The following PIAS4 variants were observed in gnomAD, a reference collection of about 807,000 sequenced individuals.
The protein encoded by PIAS4 is protein inhibitor of activated STAT 4.
Under a neutral mutation model 58.0 loss-of-function variants are expected in PIAS4, and 7 were observed. The ratio of observed to expected loss-of-function variants is 0.12; its 90% CI spans 0.07 to 0.23. The LOEUF is 0.23. Ranked by LOEUF, PIAS4 falls within the 10% of genes least tolerant of loss-of-function variation. The pLI is 1.00. For synonymous variants in PIAS4, 364 were observed against 312.4 expected, an observed-to-expected ratio of 1.17 and a Z score of -1.74; for missense variants, 550 against 709.5, an observed-to-expected ratio of 0.78 and a Z score of 2.55.
At chr19:4,015,288 G>A (rs543145830) in intron 2 of PIAS4, among the ~76,000 whole-genome samples, 13 of 152,290 alleles carry the variant, frequency 8.5e-5, no homozygotes, top group East Asian at 1.9e-4. Flanking sequence ...GGTCCAGGGC[G>A]GGGGACGGGG....
chr19:4,010,471 C>T (rs1421739787), intron 1 of PIAS4, among the ~76,000 whole-genome samples: 3 of 152,266 alleles, frequency 2.0e-5, no homozygotes, highest in Non-Finnish European at 4.4e-5. Flanking sequence ...AACATCTTGT[C>T]TGCAAGCCTT....
At chr19:4,028,080 G>A (rs1212781976) in intron 3 of PIAS4, 66 bp from the exon 4 acceptor site, 2 of 1,499,124 alleles carry the variant, frequency 1.3e-6, no homozygotes, top group Non-Finnish European at 1.9e-6. Flanking sequence ...TTGTCGGGTG[G>A]GCTGGGGTCA....
At chr19:4,030,253 T>G (rs960859399) in intron 7 of PIAS4, among the ~76,000 whole-genome samples, 2 of 144,332 alleles carry the variant, frequency 1.4e-5, no homozygotes, top group African/African-American at 4.9e-5. Context: ...TTGGCCACTT[T>G]CGCACCTGGT....
At position 4,037,943 on chromosome 19, in the gene PIAS4, G is replaced by A. The variant is rs1389964859; in HGVS notation, c.*68G>A. On this transcript the variant is annotated 3_prime_UTR_variant, in exon 11 of 11. Coordinates refer to ENST00000262971, the MANE Select transcript of PIAS4 (RefSeq NM_015897.4). This position sits in a 1 kb window ranked among gnomAD's most constrained non-coding sequence, Gnocchi z 5.8. ...GGGGCACGGGCCAGCCTCGGGCGCAGAGGGAGGAGTGACCTTTCTTTTTCT... is the reference window on the plus strand; with the variant it reads ...GGGGCACGGGCCAGCCTCGGGCGCAAAGGGAGGAGTGACCTTTCTTTTTCT... The A allele has an allele frequency of 1.4e-6, 2 of 1,460,728 alleles. No homozygotes were observed. The highest frequency in any genetic ancestry group is 2.4e-5 in the East Asian group (1 of 41,484). 90.5% of individuals were successfully genotyped at this position (1,460,728 alleles called of 1,614,324 possible).
At chr19:4,025,103 T>C (rs2040149595) in intron 3 of PIAS4, among the ~76,000 whole-genome samples, 1 of 152,154 alleles carries the variant, frequency 6.6e-6, no homozygotes, top group African/African-American at 2.4e-5. Context: ...GAATACGGGG[T>C]TTCCCCCTCC....
chr19:4,031,277 C>G (rs534061869), intron 7 of PIAS4, among the ~76,000 whole-genome samples: 104 of 152,310 alleles, frequency 6.8e-4, no homozygotes, highest in African/African-American at 2.4e-3. Flanking sequence ...CGTGTTGAAG[C>G]CTCCTGTGCA....
At position 4,013,946 on chromosome 19, in the gene PIAS4, G is replaced by A. The variant is rs546574555; in HGVS notation, c.454+597G>A. 1.9e-4 allele frequency among the ~76,000 whole-genome samples: 29 copies of A among 152,120 alleles called. No homozygotes were observed. The highest frequency in any genetic ancestry group is 3.7e-4 in the Non-Finnish European group (25 of 68,014). On this transcript the variant is annotated intron_variant, in intron 2 of 10. Coordinates refer to ENST00000262971, the MANE Select transcript of PIAS4 (RefSeq NM_015897.4). The surrounding 1 kb of genome is among the most constrained non-coding windows in gnomAD (Gnocchi z 5.1). ...CCGTTGCTCACACAGACTCTGTGGC[G>A]CATGCAGGGACCACACCAGGCTGTG...
chr19:4,015,944 C>T (rs1031182825), intron 2 of PIAS4, among the ~76,000 whole-genome samples: 2 of 152,200 alleles, frequency 1.3e-5, no homozygotes, highest in East Asian at 1.9e-4. Context: ...GGGCCTCAGG[C>T]TGTAGGTGAT....
Position 4,037,924 on chromosome 19 carries a change from C to T in PIAS4, c.*49C>T, listed in dbSNP as rs113197231. 32 of 1,542,500 alleles carry T rather than the reference C, an allele frequency of 2.1e-5. No individual in the cohort carries two copies. Among genetic ancestry groups the T allele is most frequent in the African/African-American group, 1.2e-4 (9 of 73,202 alleles). ...CTGGTGCTCACCACGCAGAGGGGCA[C>T]GGGCCAGCCTCGGGCGCAGAGGGAG... On this transcript the variant is annotated 3_prime_UTR_variant, in exon 11 of 11. Transcript: ENST00000262971. The surrounding 1 kb of genome is among the most constrained non-coding windows in gnomAD (Gnocchi z 5.8).
At chr19:4,028,869 C>G in intron 6 of PIAS4, 21 bp downstream of exon 6, 4 of 1,613,054 alleles carry the variant, frequency 2.5e-6, no homozygotes, top group Admixed American at 3.3e-5. Context: ...GCCCGGGTGC[C>G]CACCCTGCCC....
chr19:4,013,232 G>A lies in PIAS4; in HGVS notation c.337G>A (p.Gly113Arg). ...GPNIDYPVLY[G>R]KYLNGLGRLP... Reference sequence around the variant, plus strand: ...CAATATTGACTACCCCGTGCTCTACGGAAAGTACTTAAACGGACTGGGACG... The same window carrying A: ...CAATATTGACTACCCCGTGCTCTACAGAAAGTACTTAAACGGACTGGGACG... Residue 113 changes from glycine (G) to arginine (R), a missense_variant, in exon 2 of 11, where the codon GGA becomes AGA. By Grantham distance (125) the Gly-to-Arg change is moderately radical. Around this residue, in one of 4 missense-constraint regions of PIAS4, gnomAD observed 95 missense variants for 87.5 expected, o/e 1.09. Coordinates refer to ENST00000262971, the MANE Select transcript of PIAS4 (RefSeq NM_015897.4). This position sits in a 1 kb window ranked among gnomAD's most constrained non-coding sequence, Gnocchi z 5.1. 2 of 1,613,482 alleles carry A rather than the reference G, an allele frequency of 1.2e-6. No homozygotes were observed. Among genetic ancestry groups the A allele is most frequent in the Non-Finnish European group, 1.7e-6 (2 of 1,179,998 alleles).
chr19:4,026,352 C>T (rs1201440974), intron 3 of PIAS4, among the ~76,000 whole-genome samples: 1 of 150,194 alleles, frequency 6.7e-6, no homozygotes, highest in Non-Finnish European at 1.5e-5. Context: ...AAGATGATCT[C>T]AATCTCTTGA....
chr19:4,011,102 T>A (rs1191902553), intron 1 of PIAS4, among the ~76,000 whole-genome samples: 6 of 152,246 alleles, frequency 3.9e-5, no homozygotes, highest in African/African-American at 1.2e-4. Context: ...CAGCGCCTCC[T>A]GGCACGGAGG....
rs2040304654 is a variant in PIAS4, at chr19:4,037,011, C to G, written c.1143-363C>G. Reference sequence around the variant, plus strand: ...CACACATGCACAGATACACTCACGTCCACACACGCTCAAACATGCGTGCAC... The same window carrying G: ...CACACATGCACAGATACACTCACGTGCACACACGCTCAAACATGCGTGCAC... On this transcript the variant is annotated intron_variant, in intron 9 of 10. Transcript: ENST00000262971. The surrounding 1 kb of genome is among the most constrained non-coding windows in gnomAD (Gnocchi z 5.8). 6.6e-6 allele frequency among the ~76,000 whole-genome samples: 1 copy of G among 152,238 alleles called. No individual in the cohort carries two copies. Among genetic ancestry groups the G allele is most frequent in the South Asian group, 2.1e-4 (1 of 4,832 alleles).
chr19:4,037,468 C>A lies in PIAS4; in HGVS notation c.1237C>A (p.Arg413Ser). 1 of 1,611,430 alleles carries A rather than the reference C, an allele frequency of 6.2e-7. No homozygotes were observed. Among genetic ancestry groups the A allele is most frequent in the Non-Finnish European group, 8.5e-7 (1 of 1,179,524 alleles). The change falls in exon 10 of 11, where the codon CGC becomes AGC. Residue 413 changes from arginine to serine, a missense_variant. Physicochemically the swap from Arg to Ser is moderately radical, Grantham distance 110. Around this residue, in one of 4 missense-constraint regions of PIAS4, gnomAD observed 188 missense variants for 192.0 expected, o/e 0.98. Transcript: ENST00000262971. The surrounding 1 kb of genome is among the most constrained non-coding windows in gnomAD (Gnocchi z 5.8). ...GTGCCCGATCCGCGCCGAAAAGGAGCGCAGCTGCAGCCCGCAGGGCGCCAT... is the reference window on the plus strand; with the variant it reads ...GTGCCCGATCCGCGCCGAAAAGGAGAGCAGCTGCAGCCCGCAGGGCGCCAT... ...SWCPIRAEKE[R>S]SCSPQGAILV...
chr19:4,022,265 C>T (rs2040117422), intron 2 of PIAS4, among the ~76,000 whole-genome samples: 2 of 152,236 alleles, frequency 1.3e-5, no homozygotes, highest in South Asian at 2.1e-4. Context: ...TACTATTGTT[C>T]TTTCATTTCT....
At chr19:4,024,818 T>A (rs1419851912) in intron 3 of PIAS4, among the ~76,000 whole-genome samples, 2 of 151,958 alleles carry the variant, frequency 1.3e-5, no homozygotes, top group Non-Finnish European at 2.9e-5. Context: ...CAGGCTGGAG[T>A]GCAGTGGCGC....
intron 3 of PIAS4, among the ~76,000 whole-genome samples, chr19:4,025,305 T>C (rs2040151369): frequency 6.6e-6 from 1 of 152,180 alleles, no homozygotes; most frequent in African/African-American, 2.4e-5. Context: ...ACGGTTGAAC[T>C]GTGGCAGGTG....
chr19:4,037,334 G>GGGGGGGGGGGGGGGGGGGGGGGGCC lies in PIAS4; in HGVS notation c.1143-40_1143-39insGGGGGGGGGGGGGGGGGGGGGGGCC. 6.6e-7 allele frequency: 1 copy of GGGGGGGGGGGGGGGGGGGGGGGGCC among 1,511,318 alleles called. No homozygotes were observed. The highest frequency in any genetic ancestry group is 1.4e-5 in the African/African-American group (1 of 72,282). The allele number at this position is 1,511,318 out of a possible 1,614,324, so 93.6% of individuals were successfully genotyped here. A position where few individuals can be genotyped will look rare whatever the true frequency, so the allele number is the denominator to read the frequency against. On this transcript the variant is annotated intron_variant, in intron 9 of 10. Coordinates refer to ENST00000262971, the MANE Select transcript of PIAS4 (RefSeq NM_015897.4). This position sits in a 1 kb window ranked among gnomAD's most constrained non-coding sequence, Gnocchi z 5.8. The stretch of plus-strand genomic sequence containing the variant: ...AGGGCTGGGGAGTTGGGGGGGTGGG[G>GGGGGGGGGGGGGGGGGGGGGGGGCC]CACCTCCAGCCCCGGCGTCAGCTGT...
Sources: gnomAD v4.1 joint callset for allele counts (sites outside exome capture counted in the v4.1 genomes callset) on GRCh38, gnomAD v4.1.1 for gene constraint, gnomAD v4.1.1 regional missense constraint, Gnocchi (gnomAD v3.1) non-coding constraint, MANE v1.5 for transcripts, NCBI Gene and HGNC (gene_info 2026-07-23, HGNC 2026-07-21) for gene names.